Variants in C16orf74 observed in about 807,000 individuals in gnomAD.
C16orf74 encodes the protein calcimembrin.
In C16orf74, 10 loss-of-function variants were observed where a neutral mutation model predicts 6.5. The ratio of observed to expected loss-of-function variants is 1.54; its 90% CI spans 0.95 to 2.61. C16orf74 has a LOEUF of 2.61. C16orf74 is among the 30% of genes most tolerant of loss of function. The probability of loss-of-function intolerance (pLI) is 0.00; values close to 1 mark genes in which losing one functional copy is unlikely to be tolerated. For missense variants in C16orf74, 141 were observed against 105.9 expected (o/e 1.33, Z -1.45); for synonymous variants, 60 against 42.5 (o/e 1.41, Z -1.60).
chr16:85,714,865 A>G (rs1315398904), intron 2 of C16orf74, among the ~76,000 whole-genome samples: 1 of 151,764 alleles, frequency 6.6e-6, no homozygotes, highest in Non-Finnish European at 1.5e-5. Context: ...TTTAAAGAAG[A>G]GAACATTTCA....
intron 2 of C16orf74, among the ~76,000 whole-genome samples, chr16:85,729,509 C>G (rs567802410): frequency 6.6e-6 from 1 of 152,208 alleles, no homozygotes; most frequent in African/African-American, 2.4e-5. Flanking sequence ...CACATTCCTG[C>G]CCCCCACAGG....
intron 1 of C16orf74, among the ~76,000 whole-genome samples, chr16:85,747,317 T>G (rs1192484287): frequency 6.6e-6 from 1 of 152,200 alleles, no homozygotes; most frequent in Non-Finnish European, 1.5e-5. Context: ...CTGGGTATGG[T>G]GGCACACACC....
chr16:85,741,467 G>C (rs1022878109), intron 1 of C16orf74, among the ~76,000 whole-genome samples: 4 of 152,150 alleles, frequency 2.6e-5, no homozygotes, highest in Non-Finnish European at 5.9e-5. Context: ...CAGGATTCAG[G>C]TGACACTGGG....
chr16:85,740,795 A>G (rs936049801), intron 1 of C16orf74, among the ~76,000 whole-genome samples: 44 of 131,982 alleles, frequency 3.3e-4, no homozygotes, highest in African/African-American at 1.2e-3. Flanking sequence ...TTGTGCCACT[A>G]CACTCCAGCC....
At chr16:85,745,583 G>T (rs887666888) in intron 1 of C16orf74, among the ~76,000 whole-genome samples, 1 of 151,180 alleles carries the variant, frequency 6.6e-6, no homozygotes, top group African/African-American at 2.4e-5. Context: ...CAAAGACAGA[G>T]AATCTCCCGC....
At position 85,712,334 on chromosome 16, in the gene C16orf74, G is replaced by A. The variant is rs1463789422; in HGVS notation, c.29-2027C>T. 2.6e-5 allele frequency among the ~76,000 whole-genome samples: 4 copies of A among 152,242 alleles called. No individual in the cohort carries two copies. In the South Asian group the frequency reaches 8.3e-4, roughly 32 times the overall value. ...AACTCTGAGATAATAAAGGTTTGAT[G>A]TTTAAGCCACAAAGTTTTGGCATAG... On this transcript the variant is annotated intron_variant, in intron 2 of 3. Transcript: ENST00000284245.
chr16:85,733,623 T>A (rs911233875), intron 2 of C16orf74, among the ~76,000 whole-genome samples: 1 of 152,202 alleles, frequency 6.6e-6, no homozygotes, highest in African/African-American at 2.4e-5. Context: ...GGGGAACTCA[T>A]GTCTAAGGGA....
intron 1 of C16orf74, among the ~76,000 whole-genome samples, chr16:85,742,946 GTCA>G (rs1204214131): frequency 2.0e-5 from 3 of 152,212 alleles, no homozygotes; most frequent in Non-Finnish European, 4.4e-5. Context: ...CCTTGTCACT[GTCA>G]TCATTGTTGC....
intron 2 of C16orf74, among the ~76,000 whole-genome samples, chr16:85,722,223 C>A (rs1440762567): frequency 1.3e-5 from 2 of 152,186 alleles, no homozygotes; most frequent in East Asian, 3.9e-4. Context: ...CATAAGGATG[C>A]ATGGTACTAA....
At chr16:85,743,259 C>T (rs2054330146) in intron 1 of C16orf74, 1 of 152,188 alleles carries the variant, frequency 6.6e-6, no homozygotes, top group African/African-American at 2.4e-5. Flanking sequence ...GTTGTCTAAA[C>T]ATAGGGAAGA....
intron 2 of C16orf74, among the ~76,000 whole-genome samples, chr16:85,720,771 C>CAAAAA (rs57419341): frequency 1.2e-5 from 1 of 81,478 alleles, no homozygotes; most frequent in Admixed American, 1.4e-4. Context: ...GATCCTGCCT[C>CAAAAA]AAAAAAAAAA....
intron 2 of C16orf74, among the ~76,000 whole-genome samples, chr16:85,729,507 T>C (rs1350264338): frequency 6.6e-6 from 1 of 152,244 alleles, no homozygotes; most frequent in East Asian, 1.9e-4. Flanking sequence ...AGCACATTCC[T>C]GCCCCCCACA....
Position 85,724,601 on chromosome 16 carries a change from T to C in C16orf74, c.28+10589A>G, listed in dbSNP as rs972821145. Among the ~76,000 whole-genome samples the C allele has an allele frequency of 5.3e-5, 8 of 151,492 alleles. 1 individual carries two copies. The highest frequency in any genetic ancestry group is 1.9e-4 in the African/African-American group (8 of 41,202). ...TGAACCTGCCTGGTGAGGTGTGAGC[T>C]TTGGGAGCGCTGAGCTCCCTGTGGG... On this transcript the variant is annotated intron_variant, in intron 2 of 3. Coordinates refer to ENST00000284245, the MANE Select transcript of C16orf74 (RefSeq NM_206967.3).
chr16:85,748,347 T>C (rs1426426411), intron 1 of C16orf74, among the ~76,000 whole-genome samples: 1 of 151,612 alleles, frequency 6.6e-6, no homozygotes, highest in Non-Finnish European at 1.5e-5. Flanking sequence ...CGCCTGTAAT[T>C]CCAGCAATTT....
chr16:85,721,048 G>A (rs1051483860), intron 2 of C16orf74, among the ~76,000 whole-genome samples: 7 of 152,016 alleles, frequency 4.6e-5, no homozygotes, highest in African/African-American at 7.2e-5. Flanking sequence ...CCAAGATCGC[G>A]CCACTGCACC....
intron 2 of C16orf74, among the ~76,000 whole-genome samples, chr16:85,734,900 C>T (rs2054227339): frequency 6.6e-6 from 1 of 152,180 alleles, no homozygotes; most frequent in South Asian, 2.1e-4. Context: ...CAAAGGCCTC[C>T]TCCTCCCTCA....
In C16orf74 at chr16:85,710,292, A is replaced by C; in HGVS notation, c.44T>G (p.Val15Gly). The change falls in exon 3 of 4, where the codon GTC becomes GGC. Residue 15 changes from valine to glycine, a missense_variant. Physicochemically the swap from Val to Gly is moderately radical, Grantham distance 109 (BLOSUM62 -3). Transcript: ENST00000284245. ...GTCGTGGCTGCTGCTGCTGCTGCTG[A>C]CACACATTTGAAAGCCTGAGAAGCC... ...MSCLKGFQMC[V>G]SSSSSSHDEA... The C allele has an allele frequency of 6.6e-7, 1 of 1,510,852 alleles. No homozygotes were observed. Among genetic ancestry groups the C allele is most frequent in the Non-Finnish European group, 8.8e-7 (1 of 1,140,176 alleles). 93.6% of individuals were successfully genotyped at this position (1,510,852 alleles called of 1,614,324 possible).
chr16:85,735,954 A>T (rs769961885), intron 1 of C16orf74, among the ~76,000 whole-genome samples: 1 of 152,128 alleles, frequency 6.6e-6, no homozygotes. Context: ...CACAAAAATC[A>T]GGGCTCAGAG....
Position 85,710,264 on chromosome 16 carries a change from C to G in C16orf74, c.72G>C (p.Glu24Asp). 1 of 1,512,916 alleles carries G rather than the reference C, an allele frequency of 6.6e-7. No homozygotes were observed. The highest frequency in any genetic ancestry group is 1.3e-5 in the South Asian group (1 of 75,430). 93.7% of individuals were successfully genotyped at this position (1,512,916 alleles called of 1,614,324 possible). The change falls in exon 3 of 4, where the codon GAG becomes GAC. Residue 24 changes from glutamate to aspartate, a missense_variant. Glu to Asp is a conservative substitution (Grantham distance 45, BLOSUM62 2). Coordinates refer to ENST00000284245, the MANE Select transcript of C16orf74 (RefSeq NM_206967.3). Reference sequence around the variant, plus strand: ...GGTGCTTGTCGTTCAGGACGGGGGCCTCGTCGTGGCTGCTGCTGCTGCTGC... The same window carrying G: ...GGTGCTTGTCGTTCAGGACGGGGGCGTCGTCGTGGCTGCTGCTGCTGCTGC... Reference protein sequence around the residue: ...CVSSSSSSHDEAPVLNDKHLD... With the variant: ...CVSSSSSSHDDAPVLNDKHLD...
Sources: gnomAD v4.1 joint callset for allele counts (sites outside exome capture counted in the v4.1 genomes callset) on GRCh38, gnomAD v4.1.1 for gene constraint, MANE v1.5 for transcripts, NCBI Gene and HGNC (gene_info 2026-07-23, HGNC 2026-07-21) for gene names.